Variants in ROBO1 observed in about 807,000 individuals in gnomAD.
The protein encoded by ROBO1 is roundabout homolog 1.
In ROBO1, 149 loss-of-function variants were observed where a neutral mutation model predicts 195.9. The ratio of observed to expected loss-of-function variants is 0.76; its 90% CI spans 0.67 to 0.87. The LOEUF is 0.87. ROBO1 is among the 40% of genes least tolerant of loss of function. ROBO1 has a pLI of 0.00. For missense variants in ROBO1, 1,933 were observed against 2,068.3 expected (o/e 0.93, Z 1.27); for synonymous variants, 816 against 733.2 (o/e 1.11, Z -1.82).
At chr3:79,046,943 T>C (rs148297906) in intron 3 of ROBO1, among the ~76,000 whole-genome samples, 81 of 152,294 alleles carry the variant, frequency 5.3e-4, no homozygotes, top group African/African-American at 1.9e-3. Flanking sequence ...TTATTTGTTA[T>C]GCAGCAATAG....
rs568335362 is a variant in ROBO1, at chr3:79,574,123, T to A, written c.88+15701A>T. 1.0e-3 allele frequency among the ~76,000 whole-genome samples: 153 copies of A among 152,208 alleles called. 1 individual carries two copies. The highest frequency in any genetic ancestry group is 1.7e-3 in the Non-Finnish European group (116 of 67,982). Reference sequence around the variant, plus strand: ...TGTTGAAGCAGGTCGCTTATAAGTGTTGTTGTCATATAATCAATTTTTCAA... The same window carrying A: ...TGTTGAAGCAGGTCGCTTATAAGTGATGTTGTCATATAATCAATTTTTCAA... On this transcript the variant is annotated intron_variant, in intron 2 of 30. Coordinates refer to ENST00000464233, the MANE Select transcript of ROBO1 (RefSeq NM_002941.4).
chr3:78,894,192 C>A (rs2037096190), intron 4 of ROBO1, among the ~76,000 whole-genome samples: 2 of 152,078 alleles, frequency 1.3e-5, no homozygotes, highest in Non-Finnish European at 2.9e-5. Context: ...CCTAAGCCAA[C>A]ACATCATTCA....
At chr3:78,752,302 A>G (rs1488219370) in intron 4 of ROBO1, among the ~76,000 whole-genome samples, 1 of 152,214 alleles carries the variant, frequency 6.6e-6, no homozygotes, top group Non-Finnish European at 1.5e-5. Flanking sequence ...ACACATCTGC[A>G]CTGAGCACAT....
At chr3:79,237,361 G>C (rs2082428990) in intron 2 of ROBO1, among the ~76,000 whole-genome samples, 1 of 151,878 alleles carries the variant, frequency 6.6e-6, no homozygotes, top group Non-Finnish European at 1.5e-5. Flanking sequence ...GGCGCCTGTA[G>C]TCCCAGCTAC....
At chr3:79,034,334 GA>G (rs2078346029) in intron 3 of ROBO1, among the ~76,000 whole-genome samples, 1 of 152,124 alleles carries the variant, frequency 6.6e-6, no homozygotes, top group Non-Finnish European at 1.5e-5. Flanking sequence ...TCACAGAGAT[GA>G]AAAACGTCTC....
At chr3:79,189,992 CA>C (rs2081509522) in intron 2 of ROBO1, among the ~76,000 whole-genome samples, 1 of 151,590 alleles carries the variant, frequency 6.6e-6, no homozygotes, top group African/African-American at 2.4e-5. Context: ...CTATACATCC[CA>C]AGTTTACAAA....
intron 4 of ROBO1, among the ~76,000 whole-genome samples, chr3:78,933,422 C>T (rs757720020): frequency 6.6e-6 from 1 of 152,082 alleles, no homozygotes; most frequent in Non-Finnish European, 1.5e-5. Context: ...CCAAATACTT[C>T]TGCTTTTTTC....
At chr3:79,466,039 A>G (rs1937939587) in intron 2 of ROBO1, among the ~76,000 whole-genome samples, 1 of 152,008 alleles carries the variant, frequency 6.6e-6, no homozygotes, top group Admixed American at 6.6e-5. Flanking sequence ...TTTAAAAAAA[A>G]AAACACTGTG....
rs185525260 is a variant in ROBO1, at chr3:79,422,639, G to T, written c.88+167185C>A. Among the ~76,000 whole-genome samples, 334 of 152,112 alleles carry T rather than the reference G, an allele frequency of 2.2e-3. 2 individuals are homozygous for T. Among genetic ancestry groups the T allele is most frequent in the East Asian group, 1.4e-3 (7 of 5,180 alleles). On this transcript the variant is annotated intron_variant, in intron 2 of 30. Transcript: ENST00000464233. ...TTCTAATGAGTTTGGAAATAAGAAT[G>T]GTCTTATGAGAAATGAGGGCTTTGT... is the stretch of plus-strand genomic sequence containing the variant.
chr3:79,061,296 G>T (rs921634231), intron 3 of ROBO1, among the ~76,000 whole-genome samples: 4 of 152,124 alleles, frequency 2.6e-5, no homozygotes, highest in Non-Finnish European at 5.9e-5. Flanking sequence ...ACTTACAAGG[G>T]ATGTGAAGGA....
intron 2 of ROBO1, among the ~76,000 whole-genome samples, chr3:79,176,067 C>T (rs2081257474): frequency 6.6e-6 from 1 of 152,068 alleles, no homozygotes; most frequent in Admixed American, 6.5e-5. Flanking sequence ...ATCTAAAGAA[C>T]AGTGAAAAAA....
chr3:78,967,939 A>G (rs1357461285), intron 3 of ROBO1, among the ~76,000 whole-genome samples: 4 of 152,214 alleles, frequency 2.6e-5, no homozygotes, highest in Non-Finnish European at 4.4e-5. Flanking sequence ...TCATCTTCCA[A>G]AGGTGAACAC....
intron 4 of ROBO1, among the ~76,000 whole-genome samples, chr3:78,828,904 T>C (rs2031886486): frequency 6.6e-6 from 1 of 152,348 alleles, no homozygotes; most frequent in Admixed American, 6.5e-5. Context: ...CCTGGCAGTT[T>C]ACCAACTAGC....
Position 78,614,717 on chromosome 3 carries a change from G to C in ROBO1, c.4366C>G (p.Gln1456Glu). The C allele has an allele frequency of 6.2e-7, 1 of 1,613,296 alleles. No homozygotes were observed. The highest frequency in any genetic ancestry group is 8.5e-7 in the Non-Finnish European group (1 of 1,179,808). Reference protein sequence around the residue: ...TDSNMSAAVMQKTRPAKKLKH... With the variant: ...TDSNMSAAVMEKTRPAKKLKH... ...AGTTTCTTGGCTGGTCTGGTTTTCTGCATTACGGCGGCACTCATGTTGCTG... is the reference window on the plus strand; with the variant it reads ...AGTTTCTTGGCTGGTCTGGTTTTCTCCATTACGGCGGCACTCATGTTGCTG... The change falls in exon 28 of 31, where the codon CAG (glutamine) becomes GAG (glutamate). Residue 1456 changes from glutamine (Q) to glutamate (E), a missense_variant. This residue lies in a region of ROBO1 where 1,737 missense variants were observed against 1,882.5 expected (regional missense o/e 0.92). Transcript: ENST00000464233.
At chr3:79,561,263 G>T (rs1450590731) in intron 2 of ROBO1, among the ~76,000 whole-genome samples, 3 of 152,160 alleles carry the variant, frequency 2.0e-5, no homozygotes, top group Admixed American at 6.6e-5. Context: ...CATATAGAGA[G>T]ATTTCAGAGT....
chr3:79,589,920 C>T lies in ROBO1; in HGVS notation c.-9G>A. 1.2e-6 allele frequency: 2 copies of T among 1,603,498 alleles called. 1 individual carries two copies. Among genetic ancestry groups the T allele is most frequent in the South Asian group, 2.2e-5 (2 of 90,730 alleles). ...ACATGTTTCCATTTCATCTTTGTCC[C>T]TTCCTTGCATTACAACCAGCCAGTG... On this transcript the variant is annotated 5_prime_UTR_variant, in exon 2 of 31. Transcript: ENST00000464233.
intron 2 of ROBO1, among the ~76,000 whole-genome samples, chr3:79,365,218 C>A (rs2035924233): frequency 6.6e-6 from 1 of 152,174 alleles, no homozygotes; most frequent in South Asian, 2.1e-4. Flanking sequence ...AGCCACCCTT[C>A]ACCAGCATTT....
At chr3:78,649,367 C>A (rs1488790892) in intron 19 of ROBO1, among the ~76,000 whole-genome samples, 1 of 151,918 alleles carries the variant, frequency 6.6e-6, no homozygotes, top group Non-Finnish European at 1.5e-5. Flanking sequence ...TCAAAGCTTC[C>A]AATAATATAA....
intron 1 of ROBO1, among the ~76,000 whole-genome samples, chr3:79,760,130 G>A (rs914555090): frequency 1.3e-4 from 19 of 150,038 alleles, no homozygotes; most frequent in Admixed American, 4.0e-4. Flanking sequence ...CCAGTTACTC[G>A]GGAGGCTGAG....
Sources: allele counts gnomAD v4.1 joint callset (sites outside exome capture counted in the v4.1 genomes callset), GRCh38; gene constraint gnomAD v4.1.1; regional missense constraint gnomAD v4.1.1; transcripts MANE v1.5; gene names NCBI Gene and HGNC (gene_info 2026-07-23, HGNC 2026-07-21).